The following PDIA3 variants were observed in gnomAD, a reference collection of about 807,000 sequenced individuals.
PDIA3 encodes the protein protein disulfide isomerase family A member 3.
In PDIA3, 16 loss-of-function variants were observed where a neutral mutation model predicts 56.9. The ratio of observed to expected loss-of-function variants is 0.28; its 90% CI spans 0.19 to 0.43. PDIA3 has a LOEUF of 0.43. Among genes scored for constraint, PDIA3 ranks in the 20% least tolerant of loss-of-function variants. The pLI, the probability that PDIA3 is intolerant of heterozygous loss-of-function variation, is 1.00. For missense variants in PDIA3, 485 were observed against 621.3 expected (o/e 0.78, Z 2.33); for synonymous variants, 192 against 216.5 (o/e 0.89, Z 0.99).
At chr15:43,760,061 C>T (rs2086804284) in intron 3 of PDIA3, among the ~76,000 whole-genome samples, 1 of 152,050 alleles carries the variant, frequency 6.6e-6, no homozygotes, top group Non-Finnish European at 1.5e-5. Context: ...CGCCATTGCA[C>T]TCCAGCCTGG....
chr15:43,759,695 T>C (rs375445552), intron 3 of PDIA3, among the ~76,000 whole-genome samples: 69 of 152,352 alleles, frequency 4.5e-4, no homozygotes, highest in African/African-American at 1.6e-3. Context: ...AGTGGAAGAT[T>C]ATTCAGCCTT....
chr15:43,764,892 G>A (rs1303664917), intron 5 of PDIA3, among the ~76,000 whole-genome samples: 2 of 152,218 alleles, frequency 1.3e-5, no homozygotes, highest in Non-Finnish European at 2.9e-5. Flanking sequence ...GGGGAACTAT[G>A]ATTAGAACCA....
chr15:43,765,763 T>C (rs2086843970), intron 6 of PDIA3, 124 bp from the exon 7 acceptor site: 1 of 1,061,242 alleles, frequency 9.4e-7, no homozygotes, highest in Non-Finnish European at 1.4e-6. Flanking sequence ...TATATATTGC[T>C]CAGTACTTGT....
Position 43,766,023 on chromosome 15 carries a change from TTA to T in PDIA3, c.845+13_845+14del. The T allele has an allele frequency of 6.2e-7, 1 of 1,612,322 alleles. No homozygotes were observed. Among genetic ancestry groups the T allele is most frequent in the South Asian group, 1.1e-5 (1 of 90,784 alleles). On this transcript the variant is annotated intron_variant, in intron 7 of 12. Coordinates refer to ENST00000300289, the MANE Select transcript of PDIA3 (RefSeq NM_005313.5). The stretch of plus-strand genomic sequence containing the variant: ...CTACTGGAGAAACAGGTAATAAGAA[TTA>T]TGTTTTTCCCTCATGAACAAGTTTA...
intron 1 of PDIA3, among the ~76,000 whole-genome samples, chr15:43,750,846 A>G (rs926554226): frequency 6.7e-6 from 1 of 149,738 alleles, no homozygotes; most frequent in African/African-American, 2.5e-5. Context: ...GTAGTAATAA[A>G]TAATGGCTGG....
chr15:43,756,137 A>T (rs991876300), intron 2 of PDIA3, among the ~76,000 whole-genome samples: 1 of 152,106 alleles, frequency 6.6e-6, no homozygotes, highest in African/African-American at 2.4e-5. Context: ...GTCTCACTAG[A>T]TCGGTTATGT....
At chr15:43,758,026 G>C (rs1221996706) in intron 3 of PDIA3, among the ~76,000 whole-genome samples, 1 of 151,706 alleles carries the variant, frequency 6.6e-6, no homozygotes, top group Admixed American at 6.6e-5. Context: ...ATCACCTGAG[G>C]TCGGGAGTTC....
chr15:43,765,720 G>A (rs2086843718), intron 6 of PDIA3, among the ~76,000 whole-genome samples, 154 bp downstream of exon 6: 1 of 152,138 alleles, frequency 6.6e-6, no homozygotes, highest in African/African-American at 2.4e-5. Flanking sequence ...AGTAATGTGT[G>A]GGTGTTAGAA....
chr15:43,760,512 T>C (rs2086807654), intron 3 of PDIA3, among the ~76,000 whole-genome samples: 1 of 148,928 alleles, frequency 6.7e-6, no homozygotes, highest in Admixed American at 7.0e-5. Flanking sequence ...GTAAACAATG[T>C]TTCTGTTAAA....
chr15:43,762,415 G>C (rs1195453307), intron 4 of PDIA3, among the ~76,000 whole-genome samples: 1 of 151,796 alleles, frequency 6.6e-6, no homozygotes, highest in African/African-American at 2.4e-5. Flanking sequence ...GGAGGCTGAG[G>C]CAGGAGAAAC....
intron 5 of PDIA3, among the ~76,000 whole-genome samples, chr15:43,764,362 C>CG (rs1247700230): frequency 6.6e-6 from 1 of 152,020 alleles, no homozygotes; most frequent in African/African-American, 2.4e-5. Context: ...AGTCTAAACT[C>CG]GGTCAACAGC....
chr15:43,747,785 G>A (rs769101759), intron 1 of PDIA3, among the ~76,000 whole-genome samples: 13 of 152,088 alleles, frequency 8.5e-5, no homozygotes, highest in Admixed American at 5.2e-4. Flanking sequence ...TCAGACTCAG[G>A]TCTTCCCTTC....
At chr15:43,770,997 A>G (rs2141658745) in intron 12 of PDIA3, 108 bp from the exon 13 acceptor site, 2 of 697,016 alleles carry the variant, frequency 2.9e-6, no homozygotes, top group Non-Finnish European at 5.0e-6. Context: ...TGGGCAGTAT[A>G]TGTGGCTGCT....
chr15:43,748,518 G>T (rs2086722059), intron 1 of PDIA3, among the ~76,000 whole-genome samples: 1 of 152,034 alleles, frequency 6.6e-6, no homozygotes, highest in African/African-American at 2.4e-5. Context: ...ATTGAAGGGG[G>T]TGTTTCCTAC....
At chr15:43,766,165 A>G (rs1003738471) in intron 7 of PDIA3, among the ~76,000 whole-genome samples, 153 bp downstream of exon 7, 11 of 151,796 alleles carry the variant, frequency 7.2e-5, no homozygotes, top group South Asian at 2.1e-4. Context: ...TAAAGTAACT[A>G]TCCTGTTACC....
At chr15:43,765,736 G>T (rs975925513) in intron 6 of PDIA3, 151 bp from the exon 7 acceptor site, 41 of 887,356 alleles carry the variant, frequency 4.6e-5, no homozygotes, top group Non-Finnish European at 7.0e-5. Flanking sequence ...TAGAACTCCT[G>T]TTGTCATCCT....
chr15:43,747,717 T>C (rs2086716461), intron 1 of PDIA3, among the ~76,000 whole-genome samples: 1 of 152,170 alleles, frequency 6.6e-6, no homozygotes, highest in African/African-American at 2.4e-5. Flanking sequence ...TGACCCTTGG[T>C]TTAATACTAT....
rs1367794934 is a variant in PDIA3 at position 43,767,564 on chromosome 15, G to C, written c.1028+654G>C. On this transcript the variant is annotated intron_variant, in intron 8 of 12. Coordinates refer to ENST00000300289, the MANE Select transcript of PDIA3 (RefSeq NM_005313.5). ...AGGCCGAGGCATGTGGATCACAGGA[G>C]TTAAAGACCAGCCTGGCCCACATAG... is the stretch of plus-strand genomic sequence containing the variant. 1.5e-4 allele frequency among the ~76,000 whole-genome samples: 23 copies of C among 149,272 alleles called. No homozygotes were observed. In the Admixed American group the frequency reaches 1.5e-3, roughly 10 times the overall value.
Position 43,746,534 on chromosome 15 carries a change from G to C in PDIA3, c.-6G>C. On this transcript the variant is annotated 5_prime_UTR_variant, in exon 1 of 13. Coordinates refer to ENST00000300289, the MANE Select transcript of PDIA3 (RefSeq NM_005313.5). ...CTTCCGGCCGTCCCCACCCCACCTC[G>C]CCGCCATGCGCCTCCGCCGCCTAGC... 6.3e-7 allele frequency: 1 copy of C among 1,591,426 alleles called. No homozygotes were observed. The highest frequency in any genetic ancestry group is 8.5e-7 in the Non-Finnish European group (1 of 1,171,380).
Sources: gnomAD v4.1 joint callset for allele counts (sites outside exome capture counted in the v4.1 genomes callset) on GRCh38, gnomAD v4.1.1 for gene constraint, MANE v1.5 for transcripts, NCBI Gene and HGNC (gene_info 2026-07-23, HGNC 2026-07-21) for gene names.